The following CYP3A5 variants were observed in gnomAD, a reference collection of about 807,000 sequenced individuals.
CYP3A5 encodes cytochrome P450 3A5.
Under a neutral mutation model 55.9 loss-of-function variants are expected in CYP3A5, and 51 were observed. The observed-to-expected ratio is 0.91, with a 90% CI of 0.73 to 1.15. The LOEUF is 1.15. Among genes scored for constraint, CYP3A5 ranks in the 50% most tolerant of loss-of-function variants. The pLI, the probability that CYP3A5 is intolerant of heterozygous loss-of-function variation, is 0.00. For missense variants in CYP3A5, 533 were observed against 596.6 expected (o/e 0.89, Z 1.11); for synonymous variants, 196 against 213.9 (o/e 0.92, Z 0.73).
chr7:99,654,974 A>G (rs1378569952), intron 10 of CYP3A5, among the ~76,000 whole-genome samples: 1 of 152,150 alleles, frequency 6.6e-6, no homozygotes, highest in Non-Finnish European at 1.5e-5. Context: ...GATTCTGGAT[A>G]TTAGCCCTTT....
intron 4 of CYP3A5, among the ~76,000 whole-genome samples, chr7:99,668,167 CAG>C (rs1276719921): frequency 5.3e-5 from 8 of 152,194 alleles, no homozygotes; most frequent in East Asian, 3.9e-4. Context: ...ACAAGAAAAA[CAG>C]TATCATTTAC....
chr7:99,652,206 T>G (rs1809263641), intron 11 of CYP3A5: 1 of 150,074 alleles, frequency 6.7e-6, no homozygotes, highest in African/African-American at 2.4e-5. Context: ...TGTATATTTA[T>G]AGTAATATAG....
chr7:99,666,314 G>GT (rs1227185100), intron 6 of CYP3A5, among the ~76,000 whole-genome samples: 2 of 152,126 alleles, frequency 1.3e-5, no homozygotes, highest in African/African-American at 4.8e-5. Context: ...ATACAATCAT[G>GT]TTTTTTTAAT....
intron 12 of CYP3A5, 97 bp downstream of exon 12, chr7:99,649,976 A>AATG: frequency 6.9e-7 from 1 of 1,457,108 alleles, no homozygotes; most frequent in Non-Finnish European, 9.4e-7. Context: ...TGGCCCATAG[A>AATG]ATGAATTATT....
At chr7:99,652,820 A>C (rs1490087392) in intron 10 of CYP3A5, 41 bp from the exon 11 acceptor site, 3 of 1,501,020 alleles carry the variant, frequency 2.0e-6, no homozygotes, top group Non-Finnish European at 2.8e-6. Context: ...TGAGATTTTG[A>C]ATTAACTCTC....
chr7:99,663,908 G>T, intron 8 of CYP3A5, 60 bp downstream of exon 8: 1 of 1,533,594 alleles, frequency 6.5e-7, no homozygotes, highest in Non-Finnish European at 8.7e-7. Context: ...TCTATCATGT[G>T]TATAAAATCT....
At chr7:99,661,218 C>T (rs1018572217) in intron 9 of CYP3A5, among the ~76,000 whole-genome samples, 31 of 152,266 alleles carry the variant, frequency 2.0e-4, no homozygotes, top group African/African-American at 7.5e-4. Context: ...TTTCATGGAC[C>T]AGCAGCACCA....
intron 3 of CYP3A5, among the ~76,000 whole-genome samples, chr7:99,673,942 G>A (rs1368966805): frequency 1.3e-5 from 2 of 152,176 alleles, no homozygotes; most frequent in Non-Finnish European, 1.5e-5. Flanking sequence ...GTGACACATG[G>A]GATCCTTGGT....
At position 99,652,694 on chromosome 7, in the gene CYP3A5, A is replaced by G. The variant is rs367795411; in HGVS notation, c.1112T>C (p.Ile371Thr). Reference sequence around the variant, plus strand: ...TTTCTTGCAAGTCCTCTCAAGTCTAATAGCAACTGGGAATAATCTGAGTGT... The same window carrying G: ...TTTCTTGCAAGTCCTCTCAAGTCTAGTAGCAACTGGGAATAATCTGAGTGT... ...NETLRLFPVA[I>T]RLERTCKKDV... Residue 371 changes from isoleucine (I) to threonine (T), a missense_variant, in exon 11 of 13, where the codon ATT becomes ACT. Transcript: ENST00000222982. 3.2e-5 allele frequency: 52 copies of G among 1,614,034 alleles called. No individual in the cohort carries two copies. Among genetic ancestry groups the G allele is most frequent in the Non-Finnish European group, 4.2e-5 (49 of 1,180,042 alleles).
In CYP3A5 at chr7:99,653,621, C is replaced by T. The variant is rs1363527133; in HGVS notation, c.1027-842G>A. On this transcript the variant is annotated intron_variant, in intron 10 of 12. Transcript: ENST00000222982. This position sits in a 1 kb window ranked among gnomAD's most constrained non-coding sequence, Gnocchi z 4.2. ...AACCCCACACTCAGCCCCATCCCCT[C>T]CTTTTGGAATAGTTTCCTAGTTGTT... Among the ~76,000 whole-genome samples the T allele has an allele frequency of 6.6e-6, 1 of 152,158 alleles. No individual in the cohort carries two copies. Among genetic ancestry groups the T allele is most frequent in the African/African-American group, 2.4e-5 (1 of 41,434 alleles).
chr7:99,652,823 T>G, intron 10 of CYP3A5, 44 bp from the exon 11 acceptor site: 1 of 1,477,562 alleles, frequency 6.8e-7, no homozygotes, highest in Non-Finnish European at 9.4e-7. Context: ...GATTTTGAAT[T>G]AACTCTCAAC....
At position 99,679,771 on chromosome 7, in the gene CYP3A5, C is replaced by T. The variant is rs186416201; in HGVS notation, c.71+55G>A. 4.9e-5 allele frequency: 77 copies of T among 1,558,650 alleles called. No individual in the cohort carries two copies. The African/African-American group carries it at 8.8e-4, about 18-fold the overall frequency. On this transcript the variant is annotated intron_variant, in intron 1 of 12. Coordinates refer to ENST00000222982, the MANE Select transcript of CYP3A5 (RefSeq NM_000777.5). ...CAAAACAGATAAGGGAAAAGGGGCCCGATTAGCACCCCAAGTCCAAGGAAA... is the reference window on the plus strand; with the variant it reads ...CAAAACAGATAAGGGAAAAGGGGCCTGATTAGCACCCCAAGTCCAAGGAAA...
chr7:99,660,594 T>G lies in CYP3A5; in HGVS notation c.931A>C (p.Ser311Arg), dbSNP rs991122268. The change falls in exon 10 of 13, where the codon AGC (serine) becomes CGC (arginine). Residue 311 changes from serine to arginine, a missense_variant. Ser to Arg is a moderately radical substitution (Grantham distance 110). Coordinates refer to ENST00000222982, the MANE Select transcript of CYP3A5 (RefSeq NM_000777.5). The stretch of plus-strand genomic sequence containing the variant: ...TATAAAGTGAAGGAAAGAACACTGC[T>G]GGTGGTTTCATAGCCAGCAAAAATG... ...IFIFAGYETT[S>R]SVLSFTLYEL... 6 of 1,613,942 alleles carry G rather than the reference T, an allele frequency of 3.7e-6. No individual in the cohort carries two copies. The African/African-American group carries it at 6.7e-5, about 18-fold the overall frequency.
At chr7:99,655,139 A>G (rs1292587915) in intron 10 of CYP3A5, among the ~76,000 whole-genome samples, 2 of 152,224 alleles carry the variant, frequency 1.3e-5, no homozygotes, top group Non-Finnish European at 1.5e-5. Flanking sequence ...TGTTTTAGAC[A>G]TGAAGTCCTT....
chr7:99,668,390 T>C (rs372944964), intron 4 of CYP3A5, among the ~76,000 whole-genome samples: 8 of 152,244 alleles, frequency 5.3e-5, no homozygotes, highest in Admixed American at 3.9e-4. Flanking sequence ...CTTGTCCAAC[T>C]TGTGGCCTGC....
At chr7:99,657,081 C>A (rs938366597) in intron 10 of CYP3A5, among the ~76,000 whole-genome samples, 2 of 152,090 alleles carry the variant, frequency 1.3e-5, no homozygotes, top group African/African-American at 4.8e-5. Context: ...TCTCTGTTTC[C>A]TTCAGTTCTG....
intron 1 of CYP3A5, chr7:99,676,413 T>C (rs1812292576): frequency 6.7e-7 from 1 of 1,496,832 alleles, no homozygotes; most frequent in African/African-American, 1.4e-5. Flanking sequence ...TCTCAATGAT[T>C]AGCTGAAAGC....
intron 9 of CYP3A5, among the ~76,000 whole-genome samples, 165 bp from the exon 10 acceptor site, chr7:99,660,824 C>T (rs968607340): frequency 6.6e-6 from 1 of 152,110 alleles, no homozygotes; most frequent in African/African-American, 2.4e-5. Flanking sequence ...TTATACAGGG[C>T]CAGGATGACG....
chr7:99,679,675 A>G (rs1406259629), intron 1 of CYP3A5, 151 bp downstream of exon 1: 1 of 690,266 alleles, frequency 1.4e-6, no homozygotes, highest in Non-Finnish European at 2.5e-6. Context: ...TGCATAAGAT[A>G]ATAATAACTT....
Sources: gnomAD v4.1 joint callset for allele counts (sites outside exome capture counted in the v4.1 genomes callset) on GRCh38, gnomAD v4.1.1 for gene constraint, Gnocchi (gnomAD v3.1) non-coding constraint, MANE v1.5 for transcripts, NCBI Gene and HGNC (gene_info 2026-07-23, HGNC 2026-07-21) for gene names.